The following ZNF529 variants were observed in gnomAD, a reference collection of about 807,000 sequenced individuals.
ZNF529 encodes the protein zinc finger protein 529.
ZNF529 carries 11 observed loss-of-function variants against 10.1 expected under a neutral mutation model. That is an observed-to-expected ratio of 1.09 (90% CI 0.69 to 1.81). The LOEUF (loss-of-function observed/expected upper bound fraction) is 1.81, where lower values mean the gene tolerates loss of function less well. ZNF529 is among the 40% of genes most tolerant of loss of function. The pLI is 0.00. For missense variants in ZNF529, 624 were observed against 666.8 expected (o/e 0.94, Z 0.71); for synonymous variants, 204 against 215.7 (o/e 0.95, Z 0.47).
chr19:36,571,204 T>C (rs1394803037), intron 2 of ZNF529, among the ~76,000 whole-genome samples: 29 of 152,154 alleles, frequency 1.9e-4, no homozygotes. Context: ...AGCATCCAAA[T>C]TGAGACATGC....
In ZNF529 at chr19:36,546,985, G is replaced by A. The variant is rs1318584511; in HGVS notation, c.1573C>T (p.Gln525Ter). The A allele has an allele frequency of 6.2e-7, 1 of 1,613,782 alleles. No homozygotes were observed. Among genetic ancestry groups the A allele is most frequent in the Non-Finnish European group, 8.5e-7 (1 of 1,179,888 alleles). The change falls in exon 5 of 5, where the codon CAG (glutamine) becomes TAG (stop). Residue 525 changes from glutamine to a stop codon, truncating the protein, a stop_gained. Transcript: ENST00000591340. LOFTEE classifies it low-confidence loss of function (END_TRUNC). ...FRHSSSFTKH[Q>*]RIHTDDKPYE... is the part of the protein sequence containing the mutation. ...GGTTTATCATCAGTATGAATGCGCT[G>A]ATGTTTGGTAAAGGATGAACTATGT...
At chr19:36,572,518 A>C in intron 1 of ZNF529, 126 bp from the exon 2 acceptor site, 1 of 711,238 alleles carries the variant, frequency 1.4e-6, no homozygotes, top group Non-Finnish European at 2.4e-6. Flanking sequence ...GGAAACTAGA[A>C]TACTGTCGAC....
chr19:36,589,472 T>A (rs1366274362), intron 2 of ZNF529: 1 of 152,242 alleles, frequency 6.6e-6, no homozygotes, highest in Non-Finnish European at 1.5e-5. Flanking sequence ...TGACTCTTAC[T>A]GTGTTTGTTG....
chr19:36,559,261 C>A (rs1272425368), intron 2 of ZNF529, among the ~76,000 whole-genome samples: 1 of 152,166 alleles, frequency 6.6e-6, no homozygotes, highest in East Asian at 1.9e-4. Context: ...CCATACAATC[C>A]AGCAATTCTG....
At chr19:36,573,540 G>A (rs1327947037), upstream of ZNF529, 1 of 465,686 alleles carries the variant, frequency 2.1e-6, no homozygotes, top group Admixed American at 2.4e-5. Context: ...AGTCGAGGCA[G>A]TAATCGGGAA....
chr19:36,546,912 AG>A lies in ZNF529; in HGVS notation c.1645del (p.Thr550LeufsTer19), dbSNP rs1165423123. On this transcript the variant is annotated frameshift_variant, in exon 5 of 5. Transcript: ENST00000591340. LOFTEE classifies it low-confidence loss of function (END_TRUNC). ...CGNSFSVVGH[L>X]TCQPKIYTGE... Reference sequence around the variant, plus strand: ...AGTGTAAATTTTCGGTTGGCAAGTAAGATGCCCAACAACACTAAAGGAATTC... The same window carrying A: ...AGTGTAAATTTTCGGTTGGCAAGTAAATGCCCAACAACACTAAAGGAATTC... The A allele has an allele frequency of 6.2e-7, 1 of 1,612,596 alleles. No homozygotes were observed. The highest frequency in any genetic ancestry group is 8.5e-7 in the Non-Finnish European group (1 of 1,179,176).
intron 1 of ZNF529, among the ~76,000 whole-genome samples, chr19:36,598,343 C>T (rs535534784): frequency 4.6e-5 from 7 of 152,060 alleles, no homozygotes; most frequent in African/African-American, 1.7e-4. Context: ...GACTCTGTGT[C>T]TACAATAGTA....
At chr19:36,579,199 TAA>T (rs778678870) in intron 2 of ZNF529, among the ~76,000 whole-genome samples, 7 of 139,306 alleles carry the variant, frequency 5.0e-5, no homozygotes, top group Non-Finnish European at 6.3e-5. Context: ...AGACTCCGTC[TAA>T]AAAAAAAAAA....
intron 2 of ZNF529, chr19:36,587,419 A>T (rs1006931645): frequency 6.6e-6 from 1 of 152,224 alleles, no homozygotes; most frequent in Non-Finnish European, 1.5e-5. Context: ...GTGGGAATGT[A>T]AAATGGTCCA....
At chr19:36,576,958 C>A (rs550324042), upstream of ZNF529, among the ~76,000 whole-genome samples, 1 of 136,042 alleles carries the variant, frequency 7.4e-6, no homozygotes, top group Non-Finnish European at 1.6e-5. Context: ...TTTCTTTTTT[C>A]TTTTTTTTTT....
Position 36,560,257 on chromosome 19 carries a change from C to CA in ZNF529, c.15-4061dup, listed in dbSNP as rs58196878. On this transcript the variant is annotated intron_variant, in intron 2 of 4. Coordinates refer to ENST00000591340, the MANE Select transcript of ZNF529 (RefSeq NM_020951.5). ...GGGCAACAAGAGCGAAACTCCGTCTCAAAAAAAAAAAAAAAAAAAAAAAAG... is the reference window on the plus strand; with the variant it reads ...GGGCAACAAGAGCGAAACTCCGTCTCAAAAAAAAAAAAAAAAAAAAAAAAAG... Among the ~76,000 whole-genome samples the CA allele has an allele frequency of 4.1e-3, 422 of 104,088 alleles. 4 individuals carry two copies. The highest frequency in any genetic ancestry group is 6.2e-3 in the East Asian group (20 of 3,210). 68.3% of individuals were successfully genotyped at this position (104,088 alleles called of 152,430 possible).
At chr19:36,594,159 T>C in intron 1 of ZNF529, 1 of 152,288 alleles carries the variant, frequency 6.6e-6, no homozygotes. Flanking sequence ...TTTCTAGGGT[T>C]GCAAAGGGAT....
At position 36,544,171 on chromosome 19, in the gene ZNF529, G is replaced by A. The variant is rs1306643984; in HGVS notation, c.*2695C>T. The A allele has an allele frequency of 6.6e-6, 1 of 152,066 alleles. No homozygotes were observed. The highest frequency in any genetic ancestry group is 1.5e-5 in the Non-Finnish European group (1 of 68,000). The allele number at this position is 152,066 out of a possible 1,614,324, so 9.4% of individuals were successfully genotyped here. On this transcript the variant is annotated 3_prime_UTR_variant, in exon 5 of 5. Transcript: ENST00000591340. The stretch of plus-strand genomic sequence containing the variant: ...AGTTTTATGTTTTTGAGTAAAAATA[G>A]TAAAAACCAAACAGTAATACCACCA...
At chr19:36,602,294 C>T in intron 1 of ZNF529, among the ~76,000 whole-genome samples, 1 of 152,138 alleles carries the variant, frequency 6.6e-6, no homozygotes, top group East Asian at 1.9e-4. Context: ...GATCCACCCA[C>T]CTTGACCTCC....
intron 2 of ZNF529, among the ~76,000 whole-genome samples, chr19:36,562,688 A>T (rs901204419): frequency 6.6e-6 from 1 of 151,690 alleles, no homozygotes; most frequent in East Asian, 2.0e-4. Flanking sequence ...CTACAAAAAA[A>T]TAGCCGGGCG....
At chr19:36,576,943 T>G (rs1240060437), upstream of ZNF529, among the ~76,000 whole-genome samples, 1 of 151,378 alleles carries the variant, frequency 6.6e-6, no homozygotes, top group African/African-American at 2.4e-5. Flanking sequence ...TGAGTGATTC[T>G]ACTTTTTCTT....
chr19:36,543,955 A>C lies in ZNF529; in HGVS notation c.*2911T>G, dbSNP rs1026635079. 1 of 149,744 alleles carries C rather than the reference A, an allele frequency of 6.7e-6. No homozygotes were observed. Among genetic ancestry groups the C allele is most frequent in the Non-Finnish European group, 1.5e-5 (1 of 67,684 alleles). The allele number at this position is 149,744 out of a possible 1,614,324, so 9.3% of individuals were successfully genotyped here. On this transcript the variant is annotated 3_prime_UTR_variant, in exon 5 of 5. Coordinates refer to ENST00000591340, the MANE Select transcript of ZNF529 (RefSeq NM_020951.5). The stretch of plus-strand genomic sequence containing the variant: ...AGTCACAGACTCTTTACCTGTCCCT[A>C]ACATACATATATTAGTTGCCATTAA...
chr19:36,580,169 T>A (rs1487962235), intron 2 of ZNF529: 4 of 152,170 alleles, frequency 2.6e-5, no homozygotes, highest in Non-Finnish European at 5.9e-5. Flanking sequence ...GTCTTCAGGA[T>A]TAAAAATATG....
chr19:36,585,902 T>C (rs1288724042), intron 2 of ZNF529, among the ~76,000 whole-genome samples: 2 of 152,210 alleles, frequency 1.3e-5, no homozygotes, highest in African/African-American at 4.8e-5. Context: ...CTAAGCAATG[T>C]CTTAACATTT....
Sources: allele counts gnomAD v4.1 joint callset (sites outside exome capture counted in the v4.1 genomes callset), GRCh38; gene constraint gnomAD v4.1.1; transcripts MANE v1.5; gene names NCBI Gene and HGNC (gene_info 2026-07-23, HGNC 2026-07-21).